CFAP20DC: variants seen among roughly 807,000 people sequenced by gnomAD.
CFAP20DC encodes CFAP20 domain containing.
A neutral mutation model predicts 101.7 loss-of-function variants in CFAP20DC; 84 were observed. The ratio of observed to expected loss-of-function variants is 0.83; its 90% confidence interval spans 0.69 to 0.99. The LOEUF is 0.99. Ranked by LOEUF, CFAP20DC falls within the 50% of genes least tolerant of loss-of-function variation. The pLI, the probability that CFAP20DC is intolerant of heterozygous loss-of-function variation, is 0.00. For synonymous variants in CFAP20DC, 359 were observed against 351.2 expected (o/e 1.02, Z -0.25); for missense variants, 1,007 against 970.3 (o/e 1.04, Z -0.50).
At chr3:58,833,536 C>T (rs1453949080) in intron 13 of CFAP20DC, among the ~76,000 whole-genome samples, 3 of 151,944 alleles carry the variant, frequency 2.0e-5, no homozygotes, top group Admixed American at 1.3e-4. Context: ...ACCTTCACAC[C>T]CATTAGGATG....
At position 58,754,801 on chromosome 3, in the gene CFAP20DC, G is replaced by A. The variant is rs372542526; in HGVS notation, c.2238-938C>T. On this transcript the variant is annotated intron_variant, in intron 15 of 16. Coordinates refer to ENST00000482387, the MANE Select transcript of CFAP20DC (RefSeq NM_001394063.1). ...TCCAGCTCCGTGCTTCCTACAGTAA[G>A]AACTTGGCCACGTCACTTAGCATTG... Among the ~76,000 whole-genome samples the A allele has an allele frequency of 3.3e-5, 5 of 152,154 alleles. No homozygotes were observed. The East Asian group carries it at 9.6e-4, about 29-fold the overall frequency.
At chr3:58,824,661 G>C (rs1464642984) in intron 14 of CFAP20DC, 1 of 152,136 alleles carries the variant, frequency 6.6e-6, no homozygotes, top group Non-Finnish European at 1.5e-5. Context: ...TAAATAACTT[G>C]TCTGAGAACC....
rs1451284026 is a variant in CFAP20DC, at chr3:58,724,843, C to T, written c.198-7215G>A. On this transcript the variant is annotated intron_variant, in intron 3 of 3. Transcript: ENST00000486145. This position sits in a 1 kb window ranked among gnomAD's most constrained non-coding sequence, Gnocchi z 5.6. ...GTGTTGAGGCTGGTCCCCAACACAG[C>T]AGCAGTTGGGATCTGGAAGTCAGCC... Among the ~76,000 whole-genome samples, 1 of 152,026 alleles carries T rather than the reference C, an allele frequency of 6.6e-6. No homozygotes were observed. The highest frequency in any genetic ancestry group is 1.5e-5 in the Non-Finnish European group (1 of 68,022).
In CFAP20DC at chr3:58,815,200, G is replaced by A. The variant is rs1370548573; in HGVS notation, c.2176-8744C>T. On this transcript the variant is annotated intron_variant, in intron 14 of 16. Coordinates refer to ENST00000482387, the MANE Select transcript of CFAP20DC (RefSeq NM_001394063.1). The stretch of plus-strand genomic sequence containing the variant: ...ACAGAACACAGCCCTCAGAAATAAC[G>A]CTGCATATCTACAACTATCTAATCT... Among the ~76,000 whole-genome samples, 10 of 151,616 alleles carry A rather than the reference G, an allele frequency of 6.6e-5. No homozygotes were observed. In the East Asian group the frequency reaches 1.8e-3, roughly 27 times the overall value.
chr3:58,826,285 T>C (rs1210664935), intron 14 of CFAP20DC, among the ~76,000 whole-genome samples: 1 of 152,212 alleles, frequency 6.6e-6, no homozygotes, highest in Non-Finnish European at 1.5e-5. Flanking sequence ...TGACGAAAAT[T>C]ATTTTAGAGT....
rs1190133882 is a variant in CFAP20DC at position 58,795,121 on chromosome 3, ACTT to A, written c.2237+11271_2237+11273del. Among the ~76,000 whole-genome samples, 1 of 152,188 alleles carries A rather than the reference ACTT, an allele frequency of 6.6e-6. No individual in the cohort carries two copies. The highest frequency in any genetic ancestry group is 2.4e-5 in the African/African-American group (1 of 41,446). ...GTGATTGTTATAAACTAGAATTAGT[ACTT>A]CTATTTTTTTAAAGGTTCTCATTAC... On this transcript the variant is annotated intron_variant, in intron 15 of 16. Transcript: ENST00000482387. The surrounding 1 kb of genome is among the most constrained non-coding windows in gnomAD (Gnocchi z 4.2).
intron 5 of CFAP20DC, among the ~76,000 whole-genome samples, chr3:58,935,891 A>G (rs566224198): frequency 2.6e-5 from 4 of 152,284 alleles, no homozygotes; most frequent in African/African-American, 7.2e-5. Context: ...AAACACCAAA[A>G]GCAATGGCAA....
Position 59,015,684 on chromosome 3 carries a change from A to G in CFAP20DC, c.278+23873T>C, listed in dbSNP as rs2093674106. Among the ~76,000 whole-genome samples, 1 of 152,100 alleles carries G rather than the reference A, an allele frequency of 6.6e-6. No individual in the cohort carries two copies. The highest frequency in any genetic ancestry group is 6.6e-5 in the Admixed American group (1 of 15,256). ...AGTTGCATTCCTGAATGTCTTTCAT[A>G]AAAGTACATAATACAGTCTTAGAAC... On this transcript the variant is annotated intron_variant, in intron 4 of 16. Transcript: ENST00000482387. The surrounding 1 kb of genome is among the most constrained non-coding windows in gnomAD (Gnocchi z 5.4).
downstream of CFAP20DC, among the ~76,000 whole-genome samples, chr3:58,738,689 C>A (rs1221665055): frequency 6.6e-6 from 1 of 152,080 alleles, no homozygotes; most frequent in Non-Finnish European, 1.5e-5. The surrounding 1 kb of genome is among the most constrained non-coding windows in gnomAD (Gnocchi z 4.4). Flanking sequence ...ATTTATATTC[C>A]TTTGGGTATA....
At chr3:58,756,265 T>A (rs1280886395) in intron 15 of CFAP20DC, among the ~76,000 whole-genome samples, 5 of 152,096 alleles carry the variant, frequency 3.3e-5, no homozygotes, top group African/African-American at 4.8e-5. Context: ...ATCCTCAAGA[T>A]ATTTACCTAC....
chr3:58,984,085 G>T (rs1452861536), intron 4 of CFAP20DC, among the ~76,000 whole-genome samples: 1 of 152,190 alleles, frequency 6.6e-6, no homozygotes, highest in Non-Finnish European at 1.5e-5. Flanking sequence ...AAAAGGGAAA[G>T]AATGCTTATA....
intron 13 of CFAP20DC, among the ~76,000 whole-genome samples, chr3:58,843,477 G>A (rs1208308532): frequency 1.3e-5 from 2 of 151,408 alleles, no homozygotes; most frequent in East Asian, 2.0e-4. Context: ...AGAATAAAAA[G>A]AAATGAGCAA....
At position 58,965,498 on chromosome 3, in the gene CFAP20DC, A is replaced by G. The variant is rs183571210; in HGVS notation, c.279-27736T>C. 1.8e-4 allele frequency among the ~76,000 whole-genome samples: 27 copies of G among 152,286 alleles called. No individual in the cohort carries two copies. In the East Asian group the frequency reaches 4.6e-3, roughly 26 times the overall value. ...AGGCTAAAGTTTAGGTTCTGGAGAC[A>G]AGGGTATTAGGTACCAATCTCAGAT... On this transcript the variant is annotated intron_variant, in intron 4 of 16. Transcript: ENST00000482387.
At chr3:58,993,276 G>A (rs2093001192) in intron 4 of CFAP20DC, among the ~76,000 whole-genome samples, 1 of 151,992 alleles carries the variant, frequency 6.6e-6, no homozygotes, top group African/African-American at 2.4e-5. Flanking sequence ...TGTAAAAAGA[G>A]CATTCTGTCC....
At chr3:58,981,420 C>G (rs1157204299) in intron 4 of CFAP20DC, among the ~76,000 whole-genome samples, 3 of 152,144 alleles carry the variant, frequency 2.0e-5, no homozygotes, top group Non-Finnish European at 4.4e-5. Context: ...GCCAAAAGAA[C>G]AAAGCCGGAG....
At chr3:59,022,315 T>C (rs1429801443) in intron 4 of CFAP20DC, among the ~76,000 whole-genome samples, 1 of 152,022 alleles carries the variant, frequency 6.6e-6, no homozygotes, top group African/African-American at 2.4e-5. Flanking sequence ...TCCTGAGAGA[T>C]GTCATACCCC....
intron 15 of CFAP20DC, among the ~76,000 whole-genome samples, chr3:58,777,490 A>G (rs983559573): frequency 6.6e-6 from 1 of 152,168 alleles, no homozygotes; most frequent in African/African-American, 2.4e-5. Context: ...CAGCCTATAA[A>G]TGTGTGACTT....
intron 15 of CFAP20DC, among the ~76,000 whole-genome samples, chr3:58,780,696 G>A (rs1287991932): frequency 6.6e-6 from 1 of 151,788 alleles, no homozygotes; most frequent in Non-Finnish European, 1.5e-5. Context: ...AGAGACAAAC[G>A]AGATCATTAT....
At chr3:58,801,034 G>C (rs2073653668) in intron 15 of CFAP20DC, among the ~76,000 whole-genome samples, 1 of 131,482 alleles carries the variant, frequency 7.6e-6, no homozygotes, top group Admixed American at 7.5e-5. Flanking sequence ...GGGGTGGGGT[G>C]GGGGTGGGGA....
Sources: allele counts gnomAD v4.1 joint callset (sites outside exome capture counted in the v4.1 genomes callset), GRCh38; gene constraint gnomAD v4.1.1; non-coding constraint Gnocchi (gnomAD v3.1); transcripts MANE v1.5; gene names NCBI Gene and HGNC (gene_info 2026-07-23, HGNC 2026-07-21).